Variants in PHACTR1 observed in about 807,000 individuals in gnomAD.
The protein encoded by PHACTR1 is phosphatase and actin regulator 1, also known as RPEL repeat containing 1.
A neutral mutation model predicts 69.2 loss-of-function variants in PHACTR1; 16 were observed. The ratio of observed to expected loss-of-function variants is 0.23; its 90% confidence interval spans 0.16 to 0.35. The LOEUF (loss-of-function observed/expected upper bound fraction) is 0.35. PHACTR1 is among the 10% of genes least tolerant of loss of function. PHACTR1 has a pLI of 1.00. For synonymous variants in PHACTR1, 312 were observed against 284.5 expected (o/e 1.10, Z -0.97); for missense variants, 510 against 734.7 (o/e 0.69, Z 3.54).
intron 4 of PHACTR1, among the ~76,000 whole-genome samples, chr6:12,938,808 A>G (rs1789750225): frequency 6.6e-6 from 1 of 152,052 alleles, no homozygotes; most frequent in Non-Finnish European, 1.5e-5. Flanking sequence ...ACACTAAAGG[A>G]TGAACTTTTT....
intron 4 of PHACTR1, among the ~76,000 whole-genome samples, chr6:12,972,204 G>A (rs1158697142): frequency 6.6e-6 from 1 of 152,188 alleles, no homozygotes; most frequent in East Asian, 1.9e-4. Context: ...CCAGAGGCAC[G>A]CAGACCAGAC....
rs114081408 is a variant in PHACTR1, at chr6:13,090,837, C to T, written c.415+37308C>T. ...AAGCCTTTTGTTGTTTGGAAGACAA[C>T]ATTTCTGCAGACTGGGGGCAGCAGA... On this transcript the variant is annotated intron_variant, in intron 5 of 14. Coordinates refer to ENST00000332995, the MANE Select transcript of PHACTR1 (RefSeq NM_030948.6). Among the ~76,000 whole-genome samples, 521 of 152,234 alleles carry T rather than the reference C, an allele frequency of 3.4e-3. 4 individuals are homozygous for T. The highest frequency in any genetic ancestry group is 0.012 in the African/African-American group (500 of 41,536).
chr6:12,972,013 G>A (rs1001148960), intron 4 of PHACTR1, among the ~76,000 whole-genome samples: 2 of 152,212 alleles, frequency 1.3e-5, no homozygotes, highest in Admixed American at 1.3e-4. Flanking sequence ...AAGAAACACT[G>A]TGTAGAGACT....
intron 6 of PHACTR1, among the ~76,000 whole-genome samples, chr6:13,166,232 G>A (rs1448698558): frequency 1.3e-5 from 2 of 152,066 alleles, no homozygotes; most frequent in Non-Finnish European, 2.9e-5. Flanking sequence ...AATTGCTGCC[G>A]CCTTCTCTAA....
intron 4 of PHACTR1, among the ~76,000 whole-genome samples, chr6:12,788,864 T>C (rs1168786962): frequency 1.3e-5 from 2 of 152,264 alleles, no homozygotes; most frequent in South Asian, 2.1e-4. Context: ...CTTGAAGGCA[T>C]AGGAAATAAA....
chr6:12,787,564 T>G (rs892400148), intron 4 of PHACTR1, among the ~76,000 whole-genome samples: 2 of 152,184 alleles, frequency 1.3e-5, no homozygotes, highest in East Asian at 3.8e-4. Context: ...TATTCCAACT[T>G]GCCTTTTGAC....
intron 10 of PHACTR1, among the ~76,000 whole-genome samples, chr6:13,247,635 C>G (rs769588570): frequency 1.3e-5 from 2 of 152,028 alleles, no homozygotes; most frequent in African/African-American, 2.4e-5. Flanking sequence ...TGTGAGCCAC[C>G]GTGCCCAGCC....
chr6:13,252,707 C>T (rs921051672), intron 10 of PHACTR1, among the ~76,000 whole-genome samples: 1 of 151,994 alleles, frequency 6.6e-6, no homozygotes, highest in Non-Finnish European at 1.5e-5. Context: ...AGAGTATCGG[C>T]CGCAGGAAAA....
At chr6:12,814,632 A>G (rs1191077240) in intron 4 of PHACTR1, among the ~76,000 whole-genome samples, 1 of 151,812 alleles carries the variant, frequency 6.6e-6, no homozygotes, top group Non-Finnish European at 1.5e-5. Context: ...TCTGTATTAT[A>G]CCTCTGCCAT....
chr6:12,924,363 G>A (rs1191016141), intron 4 of PHACTR1, among the ~76,000 whole-genome samples: 1 of 152,124 alleles, frequency 6.6e-6, no homozygotes, highest in African/African-American at 2.4e-5. Context: ...TCTTATGTGT[G>A]TTTCTACAAG....
At chr6:12,809,302 T>A (rs1774752397) in intron 4 of PHACTR1, among the ~76,000 whole-genome samples, 1 of 152,212 alleles carries the variant, frequency 6.6e-6, no homozygotes, top group South Asian at 2.1e-4. Context: ...GGTGCTTTTA[T>A]TATGACATTG....
At chr6:12,887,702 T>C (rs1027550472) in intron 4 of PHACTR1, among the ~76,000 whole-genome samples, 1 of 152,072 alleles carries the variant, frequency 6.6e-6, no homozygotes, top group Non-Finnish European at 1.5e-5. Context: ...TACAACACTA[T>C]CTCTAATCTC....
intron 6 of PHACTR1, among the ~76,000 whole-genome samples, chr6:13,172,414 C>A (rs1760746201): frequency 6.6e-6 from 1 of 152,144 alleles, no homozygotes; most frequent in East Asian, 1.9e-4. Flanking sequence ...TATAACCATA[C>A]CCGGGAGACA....
chr6:12,997,712 T>G (rs1047554788), intron 4 of PHACTR1, among the ~76,000 whole-genome samples: 5 of 152,166 alleles, frequency 3.3e-5, no homozygotes, highest in African/African-American at 1.2e-4. Context: ...CTCAGCACTT[T>G]GAGAGGCCGA....
chr6:13,232,563 A>C (rs1292590157), intron 10 of PHACTR1, among the ~76,000 whole-genome samples: 1 of 152,068 alleles, frequency 6.6e-6, no homozygotes, highest in Non-Finnish European at 1.5e-5. Context: ...ATTGTTGGAG[A>C]GCCTTATTCT....
intron 4 of PHACTR1, among the ~76,000 whole-genome samples, chr6:12,757,507 T>C (rs376093953): frequency 5.3e-5 from 8 of 152,218 alleles, no homozygotes; most frequent in African/African-American, 1.9e-4. Context: ...CAGAACAGAC[T>C]AGAGAGGGGC....
intron 3 of PHACTR1, among the ~76,000 whole-genome samples, chr6:12,734,833 C>G (rs1764023977): frequency 6.6e-6 from 1 of 152,148 alleles, no homozygotes; most frequent in South Asian, 2.1e-4. Context: ...TTTTTGTTTT[C>G]TGTCTTAAAA....
At chr6:12,885,554 A>G (rs2127461242) in intron 4 of PHACTR1, among the ~76,000 whole-genome samples, 1 of 152,296 alleles carries the variant, frequency 6.6e-6, no homozygotes, top group East Asian at 1.9e-4. Context: ...GCAAAGATGC[A>G]TTTTCTTTCT....
At chr6:13,065,681 A>G (rs1019262015) in intron 5 of PHACTR1, among the ~76,000 whole-genome samples, 1 of 152,180 alleles carries the variant, frequency 6.6e-6, no homozygotes, top group Admixed American at 6.5e-5. Context: ...AGATTGTGTC[A>G]AGCTGCAAAA....
Sources: gnomAD v4.1 joint callset for allele counts (sites outside exome capture counted in the v4.1 genomes callset) on GRCh38, gnomAD v4.1.1 for gene constraint, MANE v1.5 for transcripts, NCBI Gene and HGNC (gene_info 2026-07-23, HGNC 2026-07-21) for gene names.